TMEM217: variants seen among roughly 807,000 people sequenced by gnomAD.
TMEM217 encodes the protein chromosome 6 open reading frame 128.
For missense variants in TMEM217, 204 were observed against 248.8 expected (o/e 0.82, Z 1.21); for synonymous variants, 76 against 88.3 (o/e 0.86, Z 0.78).
chr6:37,217,532 G>T, downstream of TMEM217: 1 of 667,504 alleles, frequency 1.5e-6, no homozygotes, highest in Non-Finnish European at 1.9e-6. Flanking sequence ...GTACAGCACA[G>T]CAACAGATAC....
chr6:37,221,048 A>T (rs905810318), intron 1 of TMEM217, among the ~76,000 whole-genome samples: 1 of 152,134 alleles, frequency 6.6e-6, no homozygotes, highest in Non-Finnish European at 1.5e-5. Context: ...AATCTCTAGA[A>T]CTTTTTCATC....
chr6:37,217,088 A>T (rs947734231), downstream of TMEM217, among the ~76,000 whole-genome samples: 5 of 152,184 alleles, frequency 3.3e-5, no homozygotes, highest in Non-Finnish European at 5.9e-5. Flanking sequence ...AAGGTCAGGA[A>T]TTCAATACCA....
At chr6:37,222,286 C>G (rs996597563) in intron 1 of TMEM217, among the ~76,000 whole-genome samples, 3 of 152,212 alleles carry the variant, frequency 2.0e-5, no homozygotes, top group African/African-American at 7.2e-5. Flanking sequence ...CCCTTCCACC[C>G]GGGAATCGAT....
chr6:37,253,570 C>T lies in TMEM217; in HGVS notation c.-12+3998G>A, dbSNP rs191480621. Among the ~76,000 whole-genome samples the T allele has an allele frequency of 1.2e-4, 18 of 152,264 alleles. No homozygotes were observed. The East Asian group carries it at 3.5e-3, about 29-fold the overall frequency. Reference sequence around the variant, plus strand: ...CTATAAAGCTCTCTTGCTGTTAAATCCCAGCTTGACCTCACTATCTCTTAG... The same window carrying T: ...CTATAAAGCTCTCTTGCTGTTAAATTCCAGCTTGACCTCACTATCTCTTAG... On this transcript the variant is annotated intron_variant, in intron 1 of 1. Coordinates refer to ENST00000357219, the Ensembl canonical transcript of TMEM217.
rs774862383 is a variant in TMEM217, at chr6:37,218,722, GA to G, written c.308del (p.Phe103SerfsTer8). 7.4e-6 allele frequency: 12 copies of G among 1,613,962 alleles called. No individual in the cohort carries two copies. The highest frequency in any genetic ancestry group is 4.4e-5 in the South Asian group (4 of 91,082). ...GTATTACGACGTTTGCAGTTTCATA[GA>G]AAAAAATCCAGACAATGTAGATGAC... On this transcript the variant is annotated frameshift_variant, in exon 2 of 2. Coordinates refer to ENST00000357219, the Ensembl canonical transcript of TMEM217. LOFTEE classifies it low-confidence loss of function (END_TRUNC).
At chr6:37,231,570 G>A (rs1378818485) in intron 1 of TMEM217, among the ~76,000 whole-genome samples, 10 of 149,690 alleles carry the variant, frequency 6.7e-5, no homozygotes, top group Non-Finnish European at 1.3e-4. Flanking sequence ...CTATTCGGGA[G>A]GCTGAGGCAG....
intron 1 of TMEM217, among the ~76,000 whole-genome samples, chr6:37,255,698 A>G (rs2113944477): frequency 6.6e-6 from 1 of 150,718 alleles, no homozygotes; most frequent in South Asian, 2.1e-4. Context: ...AAAAAAAAAA[A>G]GGTCTCTCTG....
chr6:37,237,257 C>A (rs1044249567), intron 1 of TMEM217, among the ~76,000 whole-genome samples: 1 of 152,054 alleles, frequency 6.6e-6, no homozygotes, highest in Non-Finnish European at 1.5e-5. Flanking sequence ...GCCAGGTTGC[C>A]CAGGGAAACA....
intron 1 of TMEM217, among the ~76,000 whole-genome samples, chr6:37,223,471 T>C (rs1158967779): frequency 6.6e-6 from 1 of 152,198 alleles, no homozygotes; most frequent in Non-Finnish European, 1.5e-5. Context: ...AACAAACAAA[T>C]AGAAACCCCT....
chr6:37,232,416 C>G (rs548873403), intron 1 of TMEM217, among the ~76,000 whole-genome samples: 1 of 152,172 alleles, frequency 6.6e-6, no homozygotes, highest in Non-Finnish European at 1.5e-5. Context: ...GACGGAGTCT[C>G]GCTCTGTCGC....
At chr6:37,218,877 C>T (rs1274141949) in exon 2 of TMEM217, 13 of 1,614,164 alleles carry the variant, frequency 8.1e-6, no homozygotes, top group African/African-American at 1.3e-5. Flanking sequence ...ATGTTACTTG[C>T]ACCCCTGTAC....
chr6:37,228,600 A>G (rs1238813485), intron 1 of TMEM217, among the ~76,000 whole-genome samples: 1 of 152,158 alleles, frequency 6.6e-6, no homozygotes, highest in Non-Finnish European at 1.5e-5. Context: ...GATACTCGGG[A>G]GGCTGAGAGA....
At chr6:37,223,797 T>TG (rs2113829627) in intron 1 of TMEM217, among the ~76,000 whole-genome samples, 1 of 149,158 alleles carries the variant, frequency 6.7e-6, no homozygotes, top group Non-Finnish European at 1.5e-5. Context: ...CGTGAGCCAC[T>TG]GCACCTAGCC....
rs779754603 is a variant in TMEM217 at position 37,257,999 on chromosome 6, A to G, written c.-443T>C. On this transcript the variant is annotated 5_prime_UTR_variant, in exon 1 of 2. Coordinates refer to ENST00000357219, the Ensembl canonical transcript of TMEM217. ...GTGAGCCCAGGACGCTGAGAGGGAT[A>G]GGGGATTGGACCAAACCCTTCCAGA... is the stretch of plus-strand genomic sequence containing the variant. 5.0e-6 allele frequency: 8 copies of G among 1,612,380 alleles called. No individual in the cohort carries two copies. The African/African-American group carries it at 9.3e-5, about 19-fold the overall frequency.
downstream of TMEM217, among the ~76,000 whole-genome samples, chr6:37,216,287 C>T (rs538681945): frequency 2.9e-4 from 44 of 152,064 alleles, no homozygotes; most frequent in African/African-American, 9.4e-4. Flanking sequence ...CCATGTTGGC[C>T]AGGCTGGTCT....
intron 1 of TMEM217, among the ~76,000 whole-genome samples, chr6:37,250,617 C>T (rs544248901): frequency 3.0e-4 from 45 of 152,358 alleles, no homozygotes; most frequent in Non-Finnish European, 5.1e-4. Flanking sequence ...TAAAGCAGTG[C>T]TTTTCAAACA....
intron 1 of TMEM217, among the ~76,000 whole-genome samples, chr6:37,225,727 T>A (rs918016367): frequency 7.2e-5 from 11 of 152,346 alleles, no homozygotes; most frequent in Admixed American, 3.3e-4. Context: ...CTTTTACCTT[T>A]AGCTAGACAC....
At chr6:37,251,962 C>A (rs760530665) in intron 1 of TMEM217, among the ~76,000 whole-genome samples, 2 of 152,118 alleles carry the variant, frequency 1.3e-5, no homozygotes, top group African/African-American at 4.8e-5. Flanking sequence ...GGCACAATCT[C>A]GGCTCACTGC....
rs35494889 is a variant in TMEM217 at position 37,242,008 on chromosome 6, ATT to A, written c.-12+15558_-12+15559del. The stretch of plus-strand genomic sequence containing the variant: ...GGAGTTAGGGAAAAATTCGATCTCA[ATT>A]TTTTTTTTTTTTTTTTTGCCTGCTC... On this transcript the variant is annotated intron_variant, in intron 1 of 1. Coordinates refer to ENST00000357219, the Ensembl canonical transcript of TMEM217. 4.8e-3 allele frequency among the ~76,000 whole-genome samples: 620 copies of A among 129,912 alleles called. 8 individuals carry two copies. Among genetic ancestry groups the A allele is most frequent in the African/African-American group, 0.015 (544 of 35,306 alleles). The allele number at this position is 129,912 out of a possible 152,430, so 85.2% of individuals were successfully genotyped here. A position where few individuals can be genotyped will look rare whatever the true frequency, so the allele number is the denominator to read the frequency against.
Sources: allele counts gnomAD v4.1 joint callset (sites outside exome capture counted in the v4.1 genomes callset), GRCh38; gene constraint gnomAD v4.1.1; transcripts MANE v1.5; gene names NCBI Gene and HGNC (gene_info 2026-07-23, HGNC 2026-07-21).